LPAR1: variants seen among roughly 807,000 people sequenced by gnomAD.
LPAR1 encodes LPA receptor 1.
Under a neutral mutation model 23.8 loss-of-function variants are expected in LPAR1, and 5 were observed. That is an observed-to-expected ratio of 0.21 (90% confidence interval 0.11 to 0.44). The LOEUF is 0.44. Among genes scored for constraint, LPAR1 ranks in the 20% least tolerant of loss-of-function variants. The pLI is 0.99. For synonymous variants in LPAR1, 160 were observed against 164.7 expected, an observed-to-expected ratio of 0.97 and a Z score of 0.22; for missense variants, 311 against 482.8, an observed-to-expected ratio of 0.64 and a Z score of 3.33.
At chr9:110,963,799 C>A (rs768728601) in intron 4 of LPAR1, among the ~76,000 whole-genome samples, 1 of 152,112 alleles carries the variant, frequency 6.6e-6, no homozygotes, top group Non-Finnish European at 1.5e-5. Context: ...AACTTGTTAC[C>A]ACACTGTATG....
In LPAR1 at chr9:110,933,647, TCAC is replaced by T. The variant is rs1392604078; in HGVS notation, c.793+7771_793+7773del. 5.9e-5 allele frequency among the ~76,000 whole-genome samples: 9 copies of T among 152,324 alleles called. No individual in the cohort carries two copies. In the East Asian group the frequency reaches 1.5e-3, roughly 26 times the overall value. ...CCTAGGAAACAGTGATTCTCAGTGG[TCAC>T]CACAATTCATTTAAGAAATCTTTGC... On this transcript the variant is annotated intron_variant, in intron 5 of 5. Coordinates refer to ENST00000683809, the MANE Select transcript of LPAR1 (RefSeq NM_001351411.2).
At position 110,957,594 on chromosome 9, in the gene LPAR1, A is replaced by AT. The variant is rs1407642552; in HGVS notation, c.45+14478dup. ...CATAAAAGGAACATACCTTAACCTAATAAAGCCTATATATGACAAATCCAC... is the reference window on the plus strand; with the variant it reads ...CATAAAAGGAACATACCTTAACCTAATTAAAGCCTATATATGACAAATCCAC... On this transcript the variant is annotated intron_variant, in intron 4 of 5. Coordinates refer to ENST00000683809, the MANE Select transcript of LPAR1 (RefSeq NM_001351411.2). 9.8e-5 allele frequency among the ~76,000 whole-genome samples: 15 copies of AT among 152,326 alleles called. No homozygotes were observed. In the East Asian group the frequency reaches 2.9e-3, roughly 29 times the overall value.
At chr9:110,953,976 G>A (rs2095652665) in intron 4 of LPAR1, among the ~76,000 whole-genome samples, 1 of 151,942 alleles carries the variant, frequency 6.6e-6, no homozygotes, top group Non-Finnish European at 1.5e-5. Context: ...AGAAACTTAT[G>A]AAATCCAGGA....
At chr9:110,920,627 A>G (rs2093559922) in intron 5 of LPAR1, among the ~76,000 whole-genome samples, 1 of 152,188 alleles carries the variant, frequency 6.6e-6, no homozygotes, top group Admixed American at 6.5e-5. Flanking sequence ...ATAGCAAGTA[A>G]TGAGCACCAG....
At chr9:110,998,638 A>G (rs961935224) in intron 2 of LPAR1, among the ~76,000 whole-genome samples, 4 of 152,226 alleles carry the variant, frequency 2.6e-5, no homozygotes, top group Non-Finnish European at 4.4e-5. Context: ...CCTTCACATT[A>G]TATGACTTGA....
chr9:110,877,436 G>C (rs2079409673), intron 5 of LPAR1, among the ~76,000 whole-genome samples: 1 of 152,120 alleles, frequency 6.6e-6, no homozygotes, highest in South Asian at 2.1e-4. Flanking sequence ...GGAGCAATTT[G>C]AACTTCAATA....
At chr9:110,933,818 C>T (rs985085800) in intron 5 of LPAR1, among the ~76,000 whole-genome samples, 11 of 152,184 alleles carry the variant, frequency 7.2e-5, no homozygotes, top group African/African-American at 2.7e-4. Flanking sequence ...TTCCTCTGTC[C>T]ACACTTCAAA....
At chr9:110,950,464 A>AT in intron 4 of LPAR1, among the ~76,000 whole-genome samples, 1 of 20,700 alleles carries the variant, frequency 4.8e-5, no homozygotes, top group Non-Finnish European at 8.0e-5. Context: ...GACTCTGTCT[A>AT]AAAAAAAAAA....
chr9:110,994,053 A>G (rs2096948345), intron 2 of LPAR1, among the ~76,000 whole-genome samples: 1 of 152,246 alleles, frequency 6.6e-6, no homozygotes, highest in African/African-American at 2.4e-5. Context: ...TGTACAGTAA[A>G]TAAGTCTGGA....
At chr9:110,906,760 G>A (rs974083722) in intron 5 of LPAR1, among the ~76,000 whole-genome samples, 1 of 152,034 alleles carries the variant, frequency 6.6e-6, no homozygotes, top group African/African-American at 2.4e-5. Flanking sequence ...CACATAAAAT[G>A]CATATAGTCA....
chr9:110,946,855 T>A (rs1444559387), intron 4 of LPAR1, among the ~76,000 whole-genome samples: 1 of 152,162 alleles, frequency 6.6e-6, no homozygotes, highest in Non-Finnish European at 1.5e-5. Context: ...TAATCTGGGA[T>A]TAAAATTACT....
chr9:111,035,487 G>C (rs933288727), intron 2 of LPAR1, among the ~76,000 whole-genome samples: 6 of 152,076 alleles, frequency 3.9e-5, no homozygotes, highest in African/African-American at 1.4e-4. Flanking sequence ...GCCTCCCAAA[G>C]TGTTGAGATT....
chr9:110,877,490 G>T (rs779397888), intron 5 of LPAR1, among the ~76,000 whole-genome samples: 1 of 152,148 alleles, frequency 6.6e-6, no homozygotes, highest in Non-Finnish European at 1.5e-5. Flanking sequence ...GAATTTCCTT[G>T]CTTGAAAATC....
intron 4 of LPAR1, among the ~76,000 whole-genome samples, chr9:110,946,831 T>G (rs1209705784): frequency 6.6e-6 from 1 of 152,112 alleles, no homozygotes; most frequent in African/African-American, 2.4e-5. Context: ...ATTAATAAAA[T>G]AGCAATTTAA....
intron 2 of LPAR1, among the ~76,000 whole-genome samples, chr9:111,035,063 G>A (rs755770098): frequency 2.6e-5 from 4 of 152,252 alleles, no homozygotes; most frequent in South Asian, 2.1e-4. Context: ...GGTATGAACC[G>A]TGAGGCTCAC....
intron 4 of LPAR1, among the ~76,000 whole-genome samples, chr9:110,948,974 T>A (rs2095483544): frequency 1.3e-5 from 2 of 151,048 alleles, no homozygotes; most frequent in African/African-American, 4.9e-5. Flanking sequence ...TTTGTCAAGC[T>A]CAGGCTCCAG....
intron 2 of LPAR1, among the ~76,000 whole-genome samples, chr9:111,020,483 T>C (rs2097541203): frequency 6.6e-6 from 1 of 152,200 alleles, no homozygotes; most frequent in Non-Finnish European, 1.5e-5. Context: ...CTTCCAACTC[T>C]GAAAATAAAT....
intron 5 of LPAR1, among the ~76,000 whole-genome samples, chr9:110,926,929 TGTGTGACGTAA>T (rs1012962323): frequency 3.5e-4 from 54 of 152,338 alleles, no homozygotes; most frequent in African/African-American, 1.3e-3. Context: ...GTTGAAGGTT[TGTGTGACGTAA>T]GTACTGATGC....
intron 5 of LPAR1, among the ~76,000 whole-genome samples, chr9:110,933,490 AC>A (rs1564089247): frequency 6.6e-6 from 1 of 152,178 alleles, no homozygotes; most frequent in Non-Finnish European, 1.5e-5. Context: ...TATGATTCTT[AC>A]TTTGTTAATT....
Sources: allele counts gnomAD v4.1 joint callset (sites outside exome capture counted in the v4.1 genomes callset), GRCh38; gene constraint gnomAD v4.1.1; transcripts MANE v1.5; gene names NCBI Gene and HGNC (gene_info 2026-07-23, HGNC 2026-07-21).